Variants in DNAJC13 observed in about 807,000 individuals in gnomAD.
DNAJC13 encodes the protein DnaJ heat shock protein family (Hsp40) member C13, also known as dnaJ homolog subfamily C member 13.
Under a neutral mutation model 290.5 loss-of-function variants are expected in DNAJC13, and 75 were observed. The ratio of observed to expected loss-of-function variants is 0.26; its 90% CI spans 0.21 to 0.31. DNAJC13 has a LOEUF of 0.31. DNAJC13 is among the 10% of genes least tolerant of loss of function. The pLI is 1.00. For missense variants in DNAJC13, 2,260 were observed against 2,674.5 expected, an observed-to-expected ratio of 0.85 and a Z score of 3.42; for synonymous variants, 862 against 892.0, an observed-to-expected ratio of 0.97 and a Z score of 0.60.
At chr3:132,463,107 ATT>A (rs1933858666) in intron 16 of DNAJC13, among the ~76,000 whole-genome samples, 1 of 152,158 alleles carries the variant, frequency 6.6e-6, no homozygotes, top group Admixed American at 6.5e-5. Context: ...GAATTCTTGT[ATT>A]TTGTTGTCAT....
chr3:132,486,691 T>C (rs1374998419), intron 29 of DNAJC13, among the ~76,000 whole-genome samples: 1 of 152,154 alleles, frequency 6.6e-6, no homozygotes, highest in African/African-American at 2.4e-5. Context: ...AAAGCACAGT[T>C]AGGTGGCTAT....
intron 46 of DNAJC13, 34 bp from the exon 47 acceptor site, chr3:132,516,388 T>C: frequency 6.2e-7 from 1 of 1,603,862 alleles, no homozygotes; most frequent in Non-Finnish European, 8.5e-7. Flanking sequence ...GCTAACCTGA[T>C]GATGCATTCC....
chr3:132,417,948 G>A (rs1315928048), intron 1 of DNAJC13, among the ~76,000 whole-genome samples, 188 bp downstream of exon 1: 1 of 152,110 alleles, frequency 6.6e-6, no homozygotes, highest in African/African-American at 2.4e-5. Flanking sequence ...ACGCCCCCCC[G>A]GCTTTGAGTG....
intron 8 of DNAJC13, 63 bp downstream of exon 8, chr3:132,453,757 C>T: frequency 7.1e-7 from 1 of 1,408,310 alleles, no homozygotes; most frequent in Non-Finnish European, 9.8e-7. Flanking sequence ...GGATAATTTT[C>T]TTTCTATTTT....
At chr3:132,441,109 T>C (rs1933051628) in intron 2 of DNAJC13, among the ~76,000 whole-genome samples, 1 of 152,196 alleles carries the variant, frequency 6.6e-6, no homozygotes, top group African/African-American at 2.4e-5. Context: ...AAGAAATTGG[T>C]GGCCAAAACT....
At chr3:132,461,914 T>A (rs1206479642) in intron 15 of DNAJC13, among the ~76,000 whole-genome samples, 1 of 151,982 alleles carries the variant, frequency 6.6e-6, no homozygotes, top group African/African-American at 2.4e-5. Flanking sequence ...GCTGTTCTCA[T>A]GCCCCTGAGC....
At position 132,447,303 on chromosome 3, in the gene DNAJC13, A is replaced by C. The variant is rs1250526234; in HGVS notation, c.145-18A>C. On this transcript the variant is annotated intron_variant, in intron 3 of 55. Transcript: ENST00000260818. The stretch of plus-strand genomic sequence containing the variant: ...ACTGTATTATAGTAGCACCAGTCAA[A>C]ATTTTTTTTTTTTTAAGTGGCCTTA... 1 of 1,524,334 alleles carries C rather than the reference A, an allele frequency of 6.6e-7. No individual in the cohort carries two copies. The highest frequency in any genetic ancestry group is 8.8e-7 in the Non-Finnish European group (1 of 1,139,806). The allele number at this position is 1,524,334 out of a possible 1,614,324, so 94.4% of individuals were successfully genotyped here.
At chr3:132,504,076 A>T in intron 41 of DNAJC13, among the ~76,000 whole-genome samples, 1 of 151,920 alleles carries the variant, frequency 6.6e-6, no homozygotes, top group East Asian at 1.9e-4. Context: ...ATTTGTACCC[A>T]TATGTTAACT....
At chr3:132,432,082 T>A (rs1939253689) in intron 1 of DNAJC13, among the ~76,000 whole-genome samples, 1 of 152,256 alleles carries the variant, frequency 6.6e-6, no homozygotes, top group African/African-American at 2.4e-5. Context: ...AAAAAATACT[T>A]GCTGACTTAG....
At chr3:132,482,897 G>A (rs1407403216) in intron 27 of DNAJC13, among the ~76,000 whole-genome samples, 2 of 151,782 alleles carry the variant, frequency 1.3e-5, no homozygotes, top group Non-Finnish European at 2.9e-5. Context: ...TAGTACTTAC[G>A]TCAAACTATA....
In DNAJC13 at chr3:132,488,286, AT is replaced by A. The variant is rs747010860; in HGVS notation, c.3268-4del. On this transcript the variant is annotated splice_polypyrimidine_tract_variant and intron_variant, in intron 29 of 55. Transcript: ENST00000260818. ...TTTACAACCCAATAAAAACATTTTA[AT>A]TTTTTTTCAGCTACTGCTGACCTTT... 2.5e-5 allele frequency: 39 copies of A among 1,573,644 alleles called. No homozygotes were observed. Among genetic ancestry groups the A allele is most frequent in the African/African-American group, 9.6e-5 (7 of 72,668 alleles).
At chr3:132,476,669 C>T (rs531854713) in intron 22 of DNAJC13, among the ~76,000 whole-genome samples, 4 of 152,202 alleles carry the variant, frequency 2.6e-5, no homozygotes, top group African/African-American at 4.8e-5. Context: ...TCCTCCCTCT[C>T]TCACACTCTG....
intron 55 of DNAJC13, 35 bp from the exon 56 acceptor site, chr3:132,538,141 T>G: frequency 6.3e-7 from 1 of 1,575,312 alleles, no homozygotes; most frequent in Non-Finnish European, 8.7e-7. Flanking sequence ...CTTGACTGCT[T>G]TCTAGAGGTG....
intron 2 of DNAJC13, among the ~76,000 whole-genome samples, chr3:132,443,539 C>A (rs1156806627): frequency 6.6e-6 from 1 of 152,142 alleles, no homozygotes; most frequent in African/African-American, 2.4e-5. Context: ...AATCTGTTAT[C>A]TAAGGGGGCT....
At position 132,482,211 on chromosome 3, in the gene DNAJC13, C is replaced by G; in HGVS notation, c.2875-15C>G. 6.3e-7 allele frequency: 1 copy of G among 1,590,652 alleles called. No individual in the cohort carries two copies. The highest frequency in any genetic ancestry group is 8.6e-7 in the Non-Finnish European group (1 of 1,168,536). On this transcript the variant is annotated splice_polypyrimidine_tract_variant and intron_variant, in intron 26 of 55. Coordinates refer to ENST00000260818, the MANE Select transcript of DNAJC13 (RefSeq NM_015268.4). ...TTCTGCCTTGGAAAATAATTTAAAT[C>G]TTTTTTAAACTTAGAGCAATGTAAT...
rs1051468687 is a variant in DNAJC13 at position 132,479,168 on chromosome 3, G to A, written c.2710-59G>A. The A allele has an allele frequency of 5.3e-6, 6 of 1,127,942 alleles. No individual in the cohort carries two copies. In the African/African-American group the frequency reaches 9.3e-5, roughly 17 times the overall value. 69.9% of individuals were successfully genotyped at this position (1,127,942 alleles called of 1,614,324 possible). ...TGTTGGTTTATTTTGTCTAGTAATAGTAATACCTTAATTTTTATTTCTATT... is the reference window on the plus strand; with the variant it reads ...TGTTGGTTTATTTTGTCTAGTAATAATAATACCTTAATTTTTATTTCTATT... On this transcript the variant is annotated intron_variant, in intron 24 of 55. Coordinates refer to ENST00000260818, the MANE Select transcript of DNAJC13 (RefSeq NM_015268.4).
chr3:132,514,652 C>T lies in DNAJC13; in HGVS notation c.5467C>T (p.Leu1823=), dbSNP rs1176306943. Residue 1823 remains leucine (L), a synonymous_variant, in exon 46 of 56, where the codon CTA becomes TTA. Coordinates refer to ENST00000260818, the MANE Select transcript of DNAJC13 (RefSeq NM_015268.4). ...GGTTTTGTCCAGTTTATTGGCTCTT[C>T]TACATTCATTGCCATCAAGTATGTA... ...SMVLSSLLAL[L]HSLPSSRQLV... 2 of 1,610,146 alleles carry T rather than the reference C, an allele frequency of 1.2e-6. No individual in the cohort carries two copies. The highest frequency in any genetic ancestry group is 2.7e-5 in the African/African-American group (2 of 74,688).
At chr3:132,532,204 C>T (rs1936437042) in intron 55 of DNAJC13, among the ~76,000 whole-genome samples, 1 of 152,086 alleles carries the variant, frequency 6.6e-6, no homozygotes, top group African/African-American at 2.4e-5. Context: ...AAATTATCAC[C>T]CAGGGTTTCT....
chr3:132,454,057 T>C lies in DNAJC13; in HGVS notation c.841-9T>C. ...TTTTTGTTGAAGCTATTTTTTGTTTTTTCATTAGGTATTTGCGTTGGTCTG... is the reference window on the plus strand; with the variant it reads ...TTTTTGTTGAAGCTATTTTTTGTTTCTTCATTAGGTATTTGCGTTGGTCTG... On this transcript the variant is annotated splice_polypyrimidine_tract_variant and intron_variant, in intron 8 of 55. Transcript: ENST00000260818. The C allele has an allele frequency of 1.3e-6, 2 of 1,575,884 alleles. No homozygotes were observed. The highest frequency in any genetic ancestry group is 1.7e-6 in the Non-Finnish European group (2 of 1,168,334).
Sources: allele counts gnomAD v4.1 joint callset (sites outside exome capture counted in the v4.1 genomes callset), GRCh38; gene constraint gnomAD v4.1.1; transcripts MANE v1.5; gene names NCBI Gene and HGNC (gene_info 2026-07-23, HGNC 2026-07-21).